The following KSR2 variants were observed in gnomAD, a reference collection of about 807,000 sequenced individuals.
The protein encoded by KSR2 is kinase suppressor of ras 2.
Under a neutral mutation model 107.8 loss-of-function variants are expected in KSR2, and 25 were observed. The ratio of observed to expected loss-of-function variants is 0.23; its 90% CI spans 0.17 to 0.32. KSR2 has a LOEUF of 0.32. Ranked by LOEUF, KSR2 falls within the 10% of genes least tolerant of loss-of-function variation. The pLI, the probability that KSR2 is intolerant of heterozygous loss-of-function variation, is 1.00. For synonymous variants in KSR2, 480 were observed against 507.0 expected (o/e 0.95, Z 0.71); for missense variants, 887 against 1,268.9 (o/e 0.70, Z 4.57).
intron 3 of KSR2, among the ~76,000 whole-genome samples, chr12:117,803,295 A>G (rs1399538110): frequency 6.6e-6 from 1 of 152,210 alleles, no homozygotes; most frequent in Admixed American, 6.5e-5. Flanking sequence ...TGGCATTTGA[A>G]GGCCACAGAG....
intron 16 of KSR2, among the ~76,000 whole-genome samples, chr12:117,476,959 A>G (rs1871823327): frequency 6.7e-6 from 1 of 148,368 alleles, no homozygotes; most frequent in African/African-American, 2.6e-5. Context: ...ATATGTACAC[A>G]TGCACACACC....
chr12:117,694,467 T>C (rs182014504), intron 4 of KSR2, among the ~76,000 whole-genome samples: 70 of 152,322 alleles, frequency 4.6e-4, no homozygotes, highest in South Asian at 3.3e-3. Context: ...ATTAAACCTC[T>C]TTTTCTTTAT....
intron 1 of KSR2, among the ~76,000 whole-genome samples, chr12:117,886,031 G>A (rs758447923): frequency 1.6e-4 from 25 of 151,796 alleles, no homozygotes; most frequent in Non-Finnish European, 3.1e-4. Context: ...GGGAGGCGGA[G>A]GTTGCAGTGA....
chr12:117,965,670 C>T (rs985772304), intron 1 of KSR2, among the ~76,000 whole-genome samples: 2 of 152,208 alleles, frequency 1.3e-5, no homozygotes, highest in African/African-American at 4.8e-5. Flanking sequence ...TCACATCTTT[C>T]TCCTAATGGT....
chr12:117,500,414 T>C (rs1378807652), intron 14 of KSR2, among the ~76,000 whole-genome samples: 1 of 152,174 alleles, frequency 6.6e-6, no homozygotes, highest in African/African-American at 2.4e-5. Context: ...AGGTTTTACA[T>C]AAATCATATC....
chr12:117,704,338 G>A (rs1886438829), intron 4 of KSR2, among the ~76,000 whole-genome samples: 1 of 152,236 alleles, frequency 6.6e-6, no homozygotes, highest in South Asian at 2.1e-4. Context: ...AGCTGGTAAT[G>A]GGTAAAGCCA....
Position 117,558,565 on chromosome 12 carries a change from C to T in KSR2, c.1334G>A (p.Cys445Tyr). 6.2e-7 allele frequency: 1 copy of T among 1,613,466 alleles called. No homozygotes were observed. The highest frequency in any genetic ancestry group is 8.5e-7 in the Non-Finnish European group (1 of 1,179,610). The change falls in exon 8 of 20, where the codon TGC (cysteine) becomes TAC (tyrosine). Residue 445 changes from cysteine to tyrosine, a missense_variant. Physicochemically the swap from Cys to Tyr is radical, Grantham distance 194 (BLOSUM62 -2). Coordinates refer to ENST00000339824, the MANE Select transcript of KSR2 (RefSeq NM_173598.6). Reference sequence around the variant, plus strand: ...GGCTTCTTTGGTGCATTTGTTGTGGCACTTTAACCTGAGAAAGATAAAGAG... The same window carrying T: ...GGCTTCTTTGGTGCATTTGTTGTGGTACTTTAACCTGAGAAAGATAAAGAG... ...GLKCKNCKLK[C>Y]HNKCTKEAPP...
chr12:117,539,404 C>A (rs555697132), intron 10 of KSR2: 2 of 324,132 alleles, frequency 6.2e-6, no homozygotes, highest in African/African-American at 4.3e-5. Flanking sequence ...GGCGAAGACC[C>A]TGGGTTGTAG....
chr12:117,607,320 C>T (rs969667785), intron 5 of KSR2, among the ~76,000 whole-genome samples: 1 of 152,184 alleles, frequency 6.6e-6, no homozygotes, highest in Admixed American at 6.5e-5. Flanking sequence ...GGCTGTGAGG[C>T]CTCCTCTAGT....
intron 5 of KSR2, among the ~76,000 whole-genome samples, chr12:117,649,365 T>C (rs1440270860): frequency 1.3e-5 from 2 of 152,244 alleles, no homozygotes; most frequent in African/African-American, 2.4e-5. Context: ...TACTGATTGC[T>C]GCATTCAGGT....
At chr12:117,520,070 CA>C (rs1428728546) in intron 14 of KSR2, among the ~76,000 whole-genome samples, 1 of 152,120 alleles carries the variant, frequency 6.6e-6, no homozygotes, top group Non-Finnish European at 1.5e-5. Context: ...TCTGTGTCAC[CA>C]AAGTGCTCAC....
At chr12:117,920,596 C>T (rs1396867283) in intron 1 of KSR2, among the ~76,000 whole-genome samples, 1 of 152,114 alleles carries the variant, frequency 6.6e-6, no homozygotes, top group Non-Finnish European at 1.5e-5. Context: ...AACCTGAAAC[C>T]TCACAATAGG....
intron 3 of KSR2, among the ~76,000 whole-genome samples, chr12:117,811,319 C>T (rs1211111225): frequency 6.6e-6 from 1 of 152,174 alleles, no homozygotes; most frequent in African/African-American, 2.4e-5. Flanking sequence ...CTAGTTCCTT[C>T]AACCATACTA....
At chr12:117,715,706 A>C (rs1160710350) in intron 4 of KSR2, among the ~76,000 whole-genome samples, 1 of 152,184 alleles carries the variant, frequency 6.6e-6, no homozygotes, top group African/African-American at 2.4e-5. Flanking sequence ...GTCATACGAA[A>C]ATAGCCACAG....
chr12:117,916,241 A>G (rs958654608), intron 1 of KSR2, among the ~76,000 whole-genome samples: 5 of 150,548 alleles, frequency 3.3e-5, no homozygotes, highest in Admixed American at 1.3e-4. Context: ...AGTTCAAGCA[A>G]TTCTCCTGCC....
At chr12:117,739,834 G>A (rs1332374046) in intron 4 of KSR2, among the ~76,000 whole-genome samples, 1 of 152,040 alleles carries the variant, frequency 6.6e-6, no homozygotes, top group Non-Finnish European at 1.5e-5. Context: ...ACTCAGAGAA[G>A]AGTAGTAGGA....
chr12:117,828,975 G>A (rs908889585), intron 3 of KSR2, among the ~76,000 whole-genome samples: 2 of 152,196 alleles, frequency 1.3e-5, no homozygotes, highest in Non-Finnish European at 2.9e-5. Context: ...CTGGGTCCAG[G>A]TCGGCCAGCT....
chr12:117,625,867 C>A (rs1007276766), intron 5 of KSR2, among the ~76,000 whole-genome samples: 1 of 152,086 alleles, frequency 6.6e-6, no homozygotes, highest in African/African-American at 2.4e-5. Flanking sequence ...TTAATTATTG[C>A]CTCAATTTCA....
chr12:117,493,374 G>A (rs1444327924), intron 14 of KSR2, among the ~76,000 whole-genome samples: 1 of 152,032 alleles, frequency 6.6e-6, no homozygotes, highest in Non-Finnish European at 1.5e-5. Context: ...CCAGTGCCTG[G>A]AGGTCCCATA....
Sources: gnomAD v4.1 joint callset for allele counts (sites outside exome capture counted in the v4.1 genomes callset) on GRCh38, gnomAD v4.1.1 for gene constraint, MANE v1.5 for transcripts, NCBI Gene and HGNC (gene_info 2026-07-23, HGNC 2026-07-21) for gene names.